The following PGR variants were observed in gnomAD, a reference collection of about 807,000 sequenced individuals.
PGR encodes the protein progesterone receptor.
Under a neutral mutation model 76.1 loss-of-function variants are expected in PGR, and 25 were observed. The ratio of observed to expected loss-of-function variants is 0.33; its 90% CI spans 0.24 to 0.46. PGR has a LOEUF of 0.46. Among genes scored for constraint, PGR ranks in the 20% least tolerant of loss-of-function variants. PGR has a pLI of 1.00. For synonymous variants in PGR, 579 were observed against 535.0 expected, an observed-to-expected ratio of 1.08 and a Z score of -1.14; for missense variants, 1,172 against 1,225.3, an observed-to-expected ratio of 0.96 and a Z score of 0.65.
chr11:101,084,804 AC>A (rs1483705515), intron 3 of PGR, among the ~76,000 whole-genome samples: 1 of 152,218 alleles, frequency 6.6e-6, no homozygotes, highest in Admixed American at 6.5e-5. Context: ...CAAACAGAAA[AC>A]AAAAAAGAGC....
intron 2 of PGR, among the ~76,000 whole-genome samples, chr11:101,100,597 T>C (rs1051794379): frequency 2.2e-5 from 3 of 137,660 alleles, no homozygotes; most frequent in African/African-American, 8.1e-5. Flanking sequence ...GATACTAGTA[T>C]TTTGAATCCA....
intron 3 of PGR, among the ~76,000 whole-genome samples, chr11:101,070,845 C>T (rs1860907968): frequency 6.6e-6 from 1 of 152,204 alleles, no homozygotes; most frequent in East Asian, 1.9e-4. Flanking sequence ...CATAAAACTC[C>T]CATCTCCCTG....
intron 2 of PGR, among the ~76,000 whole-genome samples, chr11:101,124,271 C>T (rs959484587): frequency 6.6e-6 from 1 of 152,146 alleles, no homozygotes; most frequent in Non-Finnish European, 1.5e-5. Flanking sequence ...GTTTTGGATG[C>T]TATTCTAACA....
At chr11:101,060,192 C>T (rs2124763) in intron 4 of PGR, among the ~76,000 whole-genome samples, 27 of 150,794 alleles carry the variant, frequency 1.8e-4, no homozygotes, top group Admixed American at 1.3e-3. Context: ...TGTGTGTGTG[C>T]GTGTGTGTGT....
At chr11:101,097,110 T>A (rs1476022572) in intron 2 of PGR, among the ~76,000 whole-genome samples, 1 of 152,190 alleles carries the variant, frequency 6.6e-6, no homozygotes, top group African/African-American at 2.4e-5. Flanking sequence ...AGCACTATGC[T>A]TCTTTCTCCT....
At chr11:101,101,122 G>A (rs1203479422) in intron 2 of PGR, among the ~76,000 whole-genome samples, 1 of 152,170 alleles carries the variant, frequency 6.6e-6, no homozygotes, top group Non-Finnish European at 1.5e-5. Flanking sequence ...TGCTGTGACA[G>A]ATGATTTGCT....
intron 3 of PGR, among the ~76,000 whole-genome samples, chr11:101,067,387 A>G (rs1315464877): frequency 6.6e-6 from 1 of 152,158 alleles, no homozygotes; most frequent in Non-Finnish European, 1.5e-5. Context: ...AAATACAACA[A>G]TATGACTGAC....
intron 3 of PGR, among the ~76,000 whole-genome samples, chr11:101,069,898 A>G (rs757474493): frequency 4.9e-4 from 75 of 152,084 alleles, no homozygotes; most frequent in Non-Finnish European, 1.0e-3. Flanking sequence ...AGAAACATCT[A>G]ATGTAGATGA....
At chr11:101,078,128 A>T (rs1861184119) in intron 3 of PGR, among the ~76,000 whole-genome samples, 1 of 152,122 alleles carries the variant, frequency 6.6e-6, no homozygotes, top group Non-Finnish European at 1.5e-5. Flanking sequence ...TTACTACACA[A>T]CCCATACTCT....
Position 101,105,020 on chromosome 11 carries a change from A to G in PGR, c.1790-13144T>C, listed in dbSNP as rs139658353. 2.0e-5 allele frequency among the ~76,000 whole-genome samples: 3 copies of G among 152,320 alleles called. No individual in the cohort carries two copies. In the East Asian group the frequency reaches 5.8e-4, roughly 29 times the overall value. ...TGGAGAAGTGGGGAGTGTTGGGGAA[A>G]GGAATTAGAGAGGAAAGAAGAAATT... On this transcript the variant is annotated intron_variant, in intron 2 of 7. Coordinates refer to ENST00000325455, the MANE Select transcript of PGR (RefSeq NM_000926.4).
intron 2 of PGR, among the ~76,000 whole-genome samples, chr11:101,121,837 G>A (rs1862687913): frequency 6.6e-6 from 1 of 152,176 alleles, no homozygotes; most frequent in Non-Finnish European, 1.5e-5. Context: ...ATGTAATTAA[G>A]GTAATTACTT....
intron 4 of PGR, among the ~76,000 whole-genome samples, chr11:101,052,556 C>A (rs1189856966): frequency 6.6e-6 from 1 of 152,072 alleles, no homozygotes; most frequent in African/African-American, 2.4e-5. Flanking sequence ...CATCCAAGGT[C>A]TTGCAAGTCT....
At chr11:101,043,888 T>C (rs1162867544) in intron 6 of PGR, among the ~76,000 whole-genome samples, 1 of 152,218 alleles carries the variant, frequency 6.6e-6, no homozygotes, top group Non-Finnish European at 1.5e-5. Flanking sequence ...TCCAGCTTTG[T>C]TGTTCCATTC....
intron 3 of PGR, among the ~76,000 whole-genome samples, chr11:101,075,971 T>G (rs1316424445): frequency 1.3e-5 from 2 of 152,192 alleles, no homozygotes; most frequent in Non-Finnish European, 2.9e-5. Flanking sequence ...TTACTGGGTA[T>G]GTACCCAAAG....
chr11:101,082,387 G>A (rs1311663001), intron 3 of PGR, among the ~76,000 whole-genome samples: 2 of 152,238 alleles, frequency 1.3e-5, no homozygotes, highest in African/African-American at 4.8e-5. Flanking sequence ...AAATGTGGGA[G>A]TGACTTTGGA....
At chr11:101,104,775 C>A (rs988603855) in intron 2 of PGR, among the ~76,000 whole-genome samples, 7 of 152,098 alleles carry the variant, frequency 4.6e-5, no homozygotes, top group Non-Finnish European at 7.4e-5. Context: ...AGATTATTAT[C>A]CAAATTTTTC....
chr11:101,087,834 C>T (rs1456632451), intron 3 of PGR, among the ~76,000 whole-genome samples: 1 of 152,066 alleles, frequency 6.6e-6, no homozygotes, highest in African/African-American at 2.4e-5. Context: ...TTAAAATGCT[C>T]CATATCACTA....
At chr11:101,085,570 A>G (rs2135447513) in intron 3 of PGR, among the ~76,000 whole-genome samples, 1 of 148,474 alleles carries the variant, frequency 6.7e-6, no homozygotes, top group African/African-American at 2.5e-5. Context: ...ACTATCCCTA[A>G]AGCTAGCAGA....
At position 101,031,026 on chromosome 11, in the gene PGR, A is replaced by G. The variant is rs1253358367; in HGVS notation, c.*8090T>C. 5.2e-6 allele frequency: 1 copy of G among 191,182 alleles called. No individual in the cohort carries two copies. Among genetic ancestry groups the G allele is most frequent in the African/African-American group, 2.3e-5 (1 of 42,940 alleles). 11.8% of individuals were successfully genotyped at this position (191,182 alleles called of 1,614,324 possible). ...CTGTAAAGTCTGCAACATCTTAGAG[A>G]AGCTTGGATTTAGTGTGGTGGCAGC... On this transcript the variant is annotated 3_prime_UTR_variant, in exon 8 of 8. Transcript: ENST00000325455.
Sources: allele counts gnomAD v4.1 joint callset (sites outside exome capture counted in the v4.1 genomes callset), GRCh38; gene constraint gnomAD v4.1.1; transcripts MANE v1.5; gene names NCBI Gene and HGNC (gene_info 2026-07-23, HGNC 2026-07-21).